The following COBL variants were observed in gnomAD, a reference collection of about 807,000 sequenced individuals.
The protein encoded by COBL is cordon-bleu WH2 repeat protein.
In COBL, 51 loss-of-function variants were observed where a neutral mutation model predicts 98.8. That is an observed-to-expected ratio of 0.52 (90% CI 0.41 to 0.65). The LOEUF (loss-of-function observed/expected upper bound fraction) is 0.65. Ranked by LOEUF, COBL falls within the 30% of genes least tolerant of loss-of-function variation. COBL has a pLI of 0.00. For synonymous variants in COBL, 634 were observed against 651.7 expected (o/e 0.97, Z 0.41); for missense variants, 1,617 against 1,617.5 (o/e 1.00, Z 0.01).
intron 1 of COBL, among the ~76,000 whole-genome samples, chr7:51,305,704 C>T (rs1802396371): frequency 6.6e-6 from 1 of 152,150 alleles, no homozygotes; most frequent in Admixed American, 6.5e-5. Flanking sequence ...CACTAAAAAG[C>T]CCCTAAACCA....
intron 6 of COBL, among the ~76,000 whole-genome samples, chr7:51,114,361 C>T (rs561442898): frequency 4.6e-5 from 6 of 129,696 alleles, no homozygotes; most frequent in African/African-American, 1.7e-4. Context: ...CTGGTTCTTA[C>T]GTACTCCAGA....
chr7:51,247,582 A>G (rs1366458282), intron 1 of COBL, among the ~76,000 whole-genome samples: 2 of 152,166 alleles, frequency 1.3e-5, no homozygotes, highest in African/African-American at 2.4e-5. Flanking sequence ...CTATGGAAGC[A>G]TCTCATGGCT....
intron 5 of COBL, among the ~76,000 whole-genome samples, chr7:51,139,154 C>A (rs1402858640): frequency 6.6e-6 from 1 of 152,142 alleles, no homozygotes; most frequent in African/African-American, 2.4e-5. Context: ...TGGGAATAGA[C>A]CCCATAAAGT....
intron 6 of COBL, among the ~76,000 whole-genome samples, chr7:51,095,177 C>A (rs987892687): frequency 6.6e-6 from 1 of 152,154 alleles, no homozygotes; most frequent in Admixed American, 6.5e-5. Context: ...GAATGAGGAG[C>A]AAAATCATGT....
intron 6 of COBL, among the ~76,000 whole-genome samples, chr7:51,118,719 A>G (rs992337721): frequency 3.3e-5 from 5 of 152,148 alleles, no homozygotes; most frequent in Admixed American, 6.5e-5. Flanking sequence ...TGGAGGTTCA[A>G]TAACTTCCCC....
At chr7:51,231,204 G>GTT (rs1246807756) in intron 1 of COBL, among the ~76,000 whole-genome samples, 1 of 152,222 alleles carries the variant, frequency 6.6e-6, no homozygotes, top group Non-Finnish European at 1.5e-5. Flanking sequence ...TTCAGTTAGT[G>GTT]TAAGTATTGT....
At chr7:51,285,464 A>T (rs1038388044) in intron 1 of COBL, among the ~76,000 whole-genome samples, 2 of 152,222 alleles carry the variant, frequency 1.3e-5, no homozygotes, top group African/African-American at 4.8e-5. Flanking sequence ...CACAAAAATC[A>T]AGTATATTTC....
intron 1 of COBL, among the ~76,000 whole-genome samples, chr7:51,246,393 A>G (rs1267012011): frequency 6.6e-6 from 1 of 152,082 alleles, no homozygotes; most frequent in African/African-American, 2.4e-5. Flanking sequence ...GCACCAAGCA[A>G]TTCCCCTCCC....
chr7:51,018,722 G>A (rs771371388), intron 12 of COBL, among the ~76,000 whole-genome samples: 5 of 150,696 alleles, frequency 3.3e-5, no homozygotes, highest in East Asian at 3.9e-4. Context: ...GAGAAATCCC[G>A]TCTCTACTAA....
At chr7:51,172,508 C>T (rs888204187) in intron 5 of COBL, 3 of 1,287,956 alleles carry the variant, frequency 2.3e-6, no homozygotes, top group Admixed American at 4.6e-5. Context: ...GCTGTCTGCA[C>T]CCGACAGCAC....
chr7:51,129,274 C>G (rs1798513920), intron 6 of COBL, among the ~76,000 whole-genome samples: 1 of 151,834 alleles, frequency 6.6e-6, no homozygotes, highest in South Asian at 2.1e-4. Context: ...GGGCCGGCTT[C>G]CTGCTTCAGA....
intron 1 of COBL, among the ~76,000 whole-genome samples, chr7:51,221,765 G>C (rs1016775737): frequency 1.3e-5 from 2 of 152,146 alleles, no homozygotes; most frequent in African/African-American, 4.8e-5. Context: ...GTTATCACTT[G>C]TATATGTATT....
intron 1 of COBL, among the ~76,000 whole-genome samples, chr7:51,295,232 G>A (rs906204221): frequency 6.6e-6 from 1 of 151,118 alleles, no homozygotes; most frequent in Non-Finnish European, 1.5e-5. Flanking sequence ...GTTGTCGTGA[G>A]CTGATATCGC....
At chr7:51,213,750 G>A (rs568628757) in intron 2 of COBL, among the ~76,000 whole-genome samples, 12 of 152,114 alleles carry the variant, frequency 7.9e-5, no homozygotes, top group African/African-American at 2.4e-4. Flanking sequence ...CCACATCGCC[G>A]GAAACAGAAC....
At chr7:51,115,302 ATCTC>A (rs1307804913) in intron 6 of COBL, among the ~76,000 whole-genome samples, 2 of 151,862 alleles carry the variant, frequency 1.3e-5, no homozygotes, top group Admixed American at 6.6e-5. Flanking sequence ...TTTTTATTAT[ATCTC>A]TCTTTCTTGG....
At chr7:51,200,065 T>C (rs1177678322) in intron 2 of COBL, among the ~76,000 whole-genome samples, 5 of 152,072 alleles carry the variant, frequency 3.3e-5, no homozygotes, top group Admixed American at 2.0e-4. Context: ...AAGGGAAACA[T>C]TGTAAGATTT....
chr7:51,228,887 A>G, intron 1 of COBL, among the ~76,000 whole-genome samples: 1 of 152,176 alleles, frequency 6.6e-6, no homozygotes, highest in East Asian at 1.9e-4. Context: ...TACATTGTTC[A>G]ATATTATAGA....
chr7:51,221,568 TAAC>T (rs1318258481), intron 1 of COBL, among the ~76,000 whole-genome samples: 2 of 152,212 alleles, frequency 1.3e-5, no homozygotes, highest in East Asian at 3.8e-4. Context: ...CTTTTTAAAA[TAAC>T]AAGTTTCAGA....
intron 1 of COBL, among the ~76,000 whole-genome samples, chr7:51,254,423 C>A (rs1274071926): frequency 6.6e-6 from 1 of 152,220 alleles, no homozygotes; most frequent in African/African-American, 2.4e-5. Context: ...ACACTATTCA[C>A]TTGCAACAAA....
Sources: allele counts gnomAD v4.1 joint callset (sites outside exome capture counted in the v4.1 genomes callset), GRCh38; gene constraint gnomAD v4.1.1; transcripts MANE v1.5; gene names NCBI Gene and HGNC (gene_info 2026-07-23, HGNC 2026-07-21).